The following RIMS2 variants were observed in gnomAD, a reference collection of about 807,000 sequenced individuals.
RIMS2 encodes the protein regulating synaptic membrane exocytosis 2.
In RIMS2, 59 loss-of-function variants were observed where a neutral mutation model predicts 174.4. The observed-to-expected ratio is 0.34, with a 90% CI of 0.27 to 0.42. RIMS2 has a LOEUF of 0.42. Among genes scored for constraint, RIMS2 ranks in the 10% least tolerant of loss-of-function variants. The pLI is 1.00. For missense variants in RIMS2, 1,620 were observed against 1,666.3 expected (o/e 0.97, Z 0.48); for synonymous variants, 606 against 572.5 (o/e 1.06, Z -0.84).
intron 2 of RIMS2, among the ~76,000 whole-genome samples, chr8:103,700,925 T>C (rs1457697913): frequency 6.6e-6 from 1 of 152,104 alleles, no homozygotes; most frequent in Non-Finnish European, 1.5e-5. Flanking sequence ...GTTACTGGTG[T>C]CATATTTTAC....
chr8:103,790,723 G>A (rs761611826), intron 3 of RIMS2, among the ~76,000 whole-genome samples: 3 of 152,094 alleles, frequency 2.0e-5, no homozygotes, highest in Non-Finnish European at 4.4e-5. Context: ...CTTCTTTGGA[G>A]AAATATCAAA....
chr8:103,733,406 C>A (rs1191633830), intron 2 of RIMS2, among the ~76,000 whole-genome samples: 11 of 151,782 alleles, frequency 7.2e-5, no homozygotes, highest in Non-Finnish European at 5.9e-5. Context: ...GCAAGCACTC[C>A]CCTTGCCACC....
intron 19 of RIMS2, 83 bp from the exon 24 acceptor site, chr8:104,093,388 A>C (rs1225713017): frequency 1.0e-6 from 1 of 976,404 alleles, no homozygotes; most frequent in Non-Finnish European, 1.5e-6. Flanking sequence ...GGACAATTAA[A>C]GTGATGAAAT....
intron 1 of RIMS2, among the ~76,000 whole-genome samples, chr8:103,521,797 T>C (rs17805990): frequency 0.065 from 9,882 of 151,820 alleles, 397 homozygotes; most frequent in South Asian, 0.088. Flanking sequence ...GATGATGAGG[T>C]TCCCAAGAGT....
intron 19 of RIMS2, among the ~76,000 whole-genome samples, chr8:104,107,461 C>T (rs951793139): frequency 6.6e-6 from 1 of 152,034 alleles, no homozygotes; most frequent in Non-Finnish European, 1.5e-5. Flanking sequence ...TTCTGCCTCC[C>T]AGTATCTACA....
chr8:103,913,964 T>C (rs914816261), intron 6 of RIMS2, among the ~76,000 whole-genome samples: 11 of 152,186 alleles, frequency 7.2e-5, no homozygotes, highest in African/African-American at 2.4e-4. Flanking sequence ...TAACATTTAT[T>C]GTGTGGCATC....
intron 1 of RIMS2, among the ~76,000 whole-genome samples, chr8:103,556,210 A>G (rs1850376141): frequency 6.6e-6 from 1 of 152,232 alleles, no homozygotes. Flanking sequence ...CACACAAAAA[A>G]TGATATATGA....
At chr8:104,095,772 C>G (rs2097752442) in intron 19 of RIMS2, among the ~76,000 whole-genome samples, 1 of 152,022 alleles carries the variant, frequency 6.6e-6, no homozygotes, top group Admixed American at 6.6e-5. Flanking sequence ...TATTTATAAG[C>G]AAGATTTTGC....
chr8:103,864,428 C>A (rs1429904451), intron 3 of RIMS2, among the ~76,000 whole-genome samples: 14 of 152,028 alleles, frequency 9.2e-5, no homozygotes, highest in Admixed American at 9.2e-4. Flanking sequence ...TTATTGTTTA[C>A]CCAAAAGTCA....
At chr8:103,691,749 G>C (rs753150428) in intron 1 of RIMS2, among the ~76,000 whole-genome samples, 1 of 152,122 alleles carries the variant, frequency 6.6e-6, no homozygotes, top group Non-Finnish European at 1.5e-5. Flanking sequence ...GCTTGTGGGT[G>C]TTCTTTGGTT....
intron 4 of RIMS2, among the ~76,000 whole-genome samples, chr8:103,900,559 C>T (rs1370566608): frequency 1.3e-5 from 2 of 152,016 alleles, no homozygotes; most frequent in African/African-American, 4.8e-5. Flanking sequence ...AATTATTGAG[C>T]CTACCATGGG....
At chr8:104,076,330 T>A (rs1204227332) in intron 19 of RIMS2, among the ~76,000 whole-genome samples, 2 of 152,078 alleles carry the variant, frequency 1.3e-5, no homozygotes, top group African/African-American at 4.8e-5. Context: ...TTTGAATTCA[T>A]GTTTGCAAGG....
chr8:103,684,230 C>T (rs112490365), intron 1 of RIMS2, among the ~76,000 whole-genome samples: 159 of 152,262 alleles, frequency 1.0e-3, no homozygotes, highest in African/African-American at 3.6e-3. Context: ...ACTCCAGCCC[C>T]TGGCAACCAT....
chr8:103,946,490 T>G (rs939422568), intron 14 of RIMS2, among the ~76,000 whole-genome samples: 6 of 151,888 alleles, frequency 4.0e-5, no homozygotes, highest in African/African-American at 7.3e-5. Flanking sequence ...AGACTCCATC[T>G]CAAAACAAAC....
At chr8:103,568,859 A>C (rs2092588767) in intron 1 of RIMS2, 1 of 1,158,744 alleles carries the variant, frequency 8.6e-7, no homozygotes, top group Admixed American at 1.7e-5. Context: ...GGTCTTTGTT[A>C]ATTGCTGTCT....
chr8:103,513,853 G>A (rs993948654), intron 1 of RIMS2, among the ~76,000 whole-genome samples: 8 of 152,138 alleles, frequency 5.3e-5, no homozygotes, highest in African/African-American at 1.9e-4. Flanking sequence ...TTTGCTACTT[G>A]TAGGATTTTA....
chr8:104,007,979 A>G (rs1016976539), intron 17 of RIMS2, among the ~76,000 whole-genome samples: 5 of 152,150 alleles, frequency 3.3e-5, no homozygotes, highest in African/African-American at 1.2e-4. Context: ...AAACAGCAAA[A>G]CAAAAGGAAT....
At chr8:103,952,948 T>C (rs1372877445) in intron 14 of RIMS2, among the ~76,000 whole-genome samples, 2 of 152,152 alleles carry the variant, frequency 1.3e-5, no homozygotes, top group East Asian at 1.9e-4. Flanking sequence ...AAACACATCA[T>C]GAGCATTTTG....
At chr8:103,967,952 C>T (rs1032672934) in intron 15 of RIMS2, among the ~76,000 whole-genome samples, 40 of 151,588 alleles carry the variant, frequency 2.6e-4, no homozygotes, top group Admixed American at 2.4e-3. Flanking sequence ...ACTCCACCTC[C>T]TGGGTTCAAG....
Sources: gnomAD v4.1 joint callset for allele counts (sites outside exome capture counted in the v4.1 genomes callset) on GRCh38, gnomAD v4.1.1 for gene constraint, MANE v1.5 for transcripts, NCBI Gene and HGNC (gene_info 2026-07-23, HGNC 2026-07-21) for gene names.